Variants in PPP2R5C observed in about 807,000 individuals in gnomAD.
PPP2R5C encodes the protein protein phosphatase 2 regulatory subunit B'gamma.
In PPP2R5C, 7 loss-of-function variants were observed where a neutral mutation model predicts 68.9. The ratio of observed to expected loss-of-function variants is 0.10; its 90% CI spans 0.06 to 0.19. PPP2R5C has a LOEUF of 0.19. Ranked by LOEUF, PPP2R5C falls within the 10% of genes least tolerant of loss-of-function variation. The pLI, the probability that PPP2R5C is intolerant of heterozygous loss-of-function variation, is 1.00. For synonymous variants in PPP2R5C, 210 were observed against 222.2 expected (o/e 0.95, Z 0.49); for missense variants, 348 against 641.3 (o/e 0.54, Z 4.94).
At chr14:101,898,897 C>T (rs1431721380) in intron 8 of PPP2R5C, among the ~76,000 whole-genome samples, 3 of 152,146 alleles carry the variant, frequency 2.0e-5, no homozygotes, top group Admixed American at 2.0e-4. Context: ...ATGAGATGAT[C>T]AAAGTATAGG....
intron 2 of PPP2R5C, among the ~76,000 whole-genome samples, chr14:101,871,445 A>G (rs977101938): frequency 2.6e-5 from 4 of 151,780 alleles, no homozygotes; most frequent in African/African-American, 9.7e-5. Context: ...GTTTCTCACC[A>G]TGTTAGCCAG....
chr14:101,916,836 G>T lies in PPP2R5C; in HGVS notation c.1327-995G>T, dbSNP rs976858934. On this transcript the variant is annotated intron_variant, in intron 12 of 13. Coordinates refer to ENST00000334743, the Ensembl canonical transcript of PPP2R5C. This position sits in a 1 kb window ranked among gnomAD's most constrained non-coding sequence, Gnocchi z 5.5. The stretch of plus-strand genomic sequence containing the variant: ...GCAGAGAATGGAGGGGTGTGGATGA[G>T]AGCAGCCTGGGCAGGAACCCCCGCT... 2.6e-5 allele frequency among the ~76,000 whole-genome samples: 4 copies of T among 152,072 alleles called. No homozygotes were observed. The highest frequency in any genetic ancestry group is 5.9e-5 in the Non-Finnish European group (4 of 67,994).
chr14:101,924,445 CT>C (rs11325673), intron 13 of PPP2R5C, among the ~76,000 whole-genome samples: 28,669 of 84,428 alleles, frequency 0.34, 9,455 homozygotes, highest in African/African-American at 0.72. Context: ...ATTTCTACAT[CT>C]TTTTTTTTTT....
At chr14:101,846,756 G>T (rs992236333) in intron 1 of PPP2R5C, among the ~76,000 whole-genome samples, 12 of 152,272 alleles carry the variant, frequency 7.9e-5, no homozygotes, top group African/African-American at 2.9e-4. Context: ...TGGGTTCATG[G>T]GCTGTAGCTA....
chr14:101,795,847 C>T (rs543952273), intron 3 of PPP2R5C, among the ~76,000 whole-genome samples: 23 of 152,130 alleles, frequency 1.5e-4, no homozygotes, highest in Non-Finnish European at 2.4e-4. Flanking sequence ...TTTTGAGACA[C>T]GGTTTCGCTC....
At chr14:101,768,093 G>A (rs948803913) in intron 2 of PPP2R5C, among the ~76,000 whole-genome samples, 21 of 152,142 alleles carry the variant, frequency 1.4e-4, no homozygotes, top group African/African-American at 5.1e-4. Context: ...AGCATCCCTG[G>A]CCTTACCCCT....
At chr14:101,836,035 A>G (rs10431745) in intron 1 of PPP2R5C, 45,182 of 597,446 alleles carry the variant, frequency 0.076, 2,172 homozygotes, top group Admixed American at 0.16. Flanking sequence ...TGAAAATAGT[A>G]GGAAACACTA....
At chr14:101,823,914 C>CA (rs2055774560) in intron 1 of PPP2R5C, 1 of 1,278,878 alleles carries the variant, frequency 7.8e-7, no homozygotes, top group African/African-American at 1.5e-5. Flanking sequence ...TCTAGAAAAA[C>CA]AAGAGATGCA....
In PPP2R5C at chr14:101,786,056, G is replaced by A. The variant is rs543228069; in HGVS notation, c.132G>A (p.Pro44=). ...GGAAAAACAGCCTTGTTGCTGTCCC[G>A]TCTACAGTATCTGCTAAAATAAAAG... The change falls in exon 3 of 15, where the codon CCG becomes CCA. Residue 44 remains proline (P), a synonymous_variant. Transcript: ENST00000328724. The A allele has an allele frequency of 4.0e-5, 62 of 1,544,810 alleles. 1 individual carries two copies. In the South Asian group the frequency reaches 5.1e-4, roughly 13 times the overall value.
rs1566959060 is a variant in PPP2R5C, at chr14:101,906,213, TTGTC to T, written c.1024-186_1024-183del. ...TCTTGATGAGTTGATGTACAAGAAG[TTGTC>T]TGCCTCTTTGTTGAAGGCTCTTCAG... On this transcript the variant is annotated intron_variant, in intron 9 of 13. Coordinates refer to ENST00000334743, the Ensembl canonical transcript of PPP2R5C. This position sits in a 1 kb window ranked among gnomAD's most constrained non-coding sequence, Gnocchi z 4.0. 1.3e-5 allele frequency among the ~76,000 whole-genome samples: 2 copies of T among 152,224 alleles called. No homozygotes were observed. Among genetic ancestry groups the T allele is most frequent in the Non-Finnish European group, 2.9e-5 (2 of 68,040 alleles).
intron 1 of PPP2R5C, among the ~76,000 whole-genome samples, chr14:101,840,849 A>T (rs1288844253): frequency 6.6e-6 from 1 of 152,218 alleles, no homozygotes; most frequent in African/African-American, 2.4e-5. Flanking sequence ...GTACAAATTT[A>T]GTTGCTGAGT....
chr14:101,790,879 G>T lies in PPP2R5C; in HGVS notation c.259+4696G>T, dbSNP rs530646539. 2.4e-3 allele frequency among the ~76,000 whole-genome samples: 358 copies of T among 152,292 alleles called. 2 individuals carry two copies. The highest frequency in any genetic ancestry group is 4.1e-3 in the Non-Finnish European group (276 of 68,028). On this transcript the variant is annotated intron_variant, in intron 3 of 14. Coordinates refer to the PPP2R5C transcript ENST00000328724. ...GCGGATCATGAGGTCAGGAGATCAA[G>T]GCCATCCTGGCTAACACGGTGAAAC... is the stretch of plus-strand genomic sequence containing the variant.
intron 10 of PPP2R5C, among the ~76,000 whole-genome samples, chr14:101,907,206 T>C (rs1486762371): frequency 1.3e-5 from 2 of 152,306 alleles, no homozygotes; most frequent in Admixed American, 6.5e-5. Flanking sequence ...GGTCTTGCTA[T>C]GTCCCCCCGG....
intron 5 of PPP2R5C, among the ~76,000 whole-genome samples, chr14:101,889,010 T>TA (rs796892237): frequency 0.049 from 7,212 of 146,524 alleles, 210 homozygotes; most frequent in African/African-American, 0.09. Context: ...CACTGCCATA[T>TA]AAAAAAAAAA....
intron 2 of PPP2R5C, among the ~76,000 whole-genome samples, chr14:101,873,307 G>A (rs2043540630): frequency 6.6e-6 from 1 of 152,030 alleles, no homozygotes; most frequent in Admixed American, 6.6e-5. Flanking sequence ...ATTTTTAATT[G>A]GATGTCTGAC....
chr14:101,762,277 G>A (rs2036589362), intron 1 of PPP2R5C, among the ~76,000 whole-genome samples: 1 of 152,128 alleles, frequency 6.6e-6, no homozygotes, highest in African/African-American at 2.4e-5. Flanking sequence ...TGCGGCCGCC[G>A]AGGGGGTTCG....
intron 10 of PPP2R5C, 99 bp from the exon 13 acceptor site, chr14:101,909,490 G>A (rs1318596076): frequency 9.9e-6 from 7 of 707,208 alleles, no homozygotes; most frequent in Admixed American, 2.2e-5. Flanking sequence ...GATCCTGTGC[G>A]ATGTGGGACT....
At chr14:101,921,371 T>C (rs1005398839) in intron 13 of PPP2R5C, 1 of 153,400 alleles carries the variant, frequency 6.5e-6, no homozygotes, top group African/African-American at 2.4e-5. Flanking sequence ...GCCAATAAAC[T>C]TTTCTTAAGT....
At chr14:101,852,853 G>T (rs1400375548) in intron 1 of PPP2R5C, among the ~76,000 whole-genome samples, 1 of 152,060 alleles carries the variant, frequency 6.6e-6, no homozygotes, top group South Asian at 2.1e-4. Flanking sequence ...TACGGGTTTT[G>T]CATGAGTATG....
Sources: gnomAD v4.1 joint callset for allele counts (sites outside exome capture counted in the v4.1 genomes callset) on GRCh38, gnomAD v4.1.1 for gene constraint, Gnocchi (gnomAD v3.1) non-coding constraint, MANE v1.5 for transcripts, NCBI Gene and HGNC (gene_info 2026-07-23, HGNC 2026-07-21) for gene names.